SCUBE1: variants seen among roughly 807,000 people sequenced by gnomAD.
The protein encoded by SCUBE1 is signal peptide, CUB and EGF-like domain-containing protein 1.
A neutral mutation model predicts 124.4 loss-of-function variants in SCUBE1; 59 were observed. The observed-to-expected ratio is 0.47, with a 90% CI of 0.38 to 0.59. The LOEUF (loss-of-function observed/expected upper bound fraction) is 0.59, where lower values mean the gene tolerates loss of function less well. Among genes scored for constraint, SCUBE1 ranks in the 20% least tolerant of loss-of-function variants. SCUBE1 has a pLI of 0.00. For missense variants in SCUBE1, 1,150 were observed against 1,371.2 expected (o/e 0.84, Z 2.55); for synonymous variants, 545 against 550.9 (o/e 0.99, Z 0.15).
intron 4 of SCUBE1, among the ~76,000 whole-genome samples, chr22:43,271,667 G>C (rs1384909534): frequency 6.6e-6 from 1 of 152,098 alleles, no homozygotes; most frequent in East Asian, 1.9e-4. Context: ...ATTCTCTGGG[G>C]CAAATCTAGG....
intron 6 of SCUBE1, among the ~76,000 whole-genome samples, chr22:43,242,343 C>T (rs1923038411): frequency 6.6e-6 from 1 of 152,242 alleles, no homozygotes; most frequent in East Asian, 1.9e-4. Flanking sequence ...GGACCAGAGG[C>T]CACCCAGACC....
intron 6 of SCUBE1, among the ~76,000 whole-genome samples, chr22:43,244,327 CTG>C (rs1491494910): frequency 1.3e-5 from 2 of 152,238 alleles, no homozygotes; most frequent in Non-Finnish European, 2.9e-5. Flanking sequence ...GCAGCGCTGT[CTG>C]TGTGTGCAGA....
intron 2 of SCUBE1, among the ~76,000 whole-genome samples, chr22:43,338,114 G>A (rs1407323919): frequency 6.6e-6 from 1 of 152,196 alleles, no homozygotes; most frequent in East Asian, 1.9e-4. Flanking sequence ...CCAGCCCCCA[G>A]ATGCCCAGTC....
chr22:43,298,217 G>A (rs1925636359), intron 3 of SCUBE1, among the ~76,000 whole-genome samples: 1 of 152,244 alleles, frequency 6.6e-6, no homozygotes, highest in African/African-American at 2.4e-5. Context: ...CCTGGGTTCT[G>A]CCAGATCCAG....
At chr22:43,342,617 C>G (rs985732322) in intron 1 of SCUBE1, among the ~76,000 whole-genome samples, 23 of 152,046 alleles carry the variant, frequency 1.5e-4, no homozygotes, top group Admixed American at 1.0e-3. Context: ...CCACCGGCCT[C>G]CTCCTCCTTC....
intron 4 of SCUBE1, among the ~76,000 whole-genome samples, chr22:43,277,523 C>T (rs189826680): frequency 1.6e-4 from 24 of 152,304 alleles, no homozygotes; most frequent in Admixed American, 1.4e-3. Context: ...TGCCCCTGGC[C>T]CCCCATCCAT....
intron 3 of SCUBE1, among the ~76,000 whole-genome samples, chr22:43,293,446 G>C (rs1925445585): frequency 6.6e-6 from 1 of 152,214 alleles, no homozygotes; most frequent in Non-Finnish European, 1.5e-5. Flanking sequence ...CCCAGGCTAA[G>C]CTGGCTGCGT....
At chr22:43,304,522 G>A (rs566629810) in intron 3 of SCUBE1, among the ~76,000 whole-genome samples, 23 of 33,246 alleles carry the variant, frequency 6.9e-4, no homozygotes, top group African/African-American at 1.1e-3. Flanking sequence ...GGCAGAGAGC[G>A]TCTCTCTAAG....
chr22:43,269,837 C>T (rs746625896), intron 4 of SCUBE1, among the ~76,000 whole-genome samples: 9 of 152,092 alleles, frequency 5.9e-5, no homozygotes, highest in Non-Finnish European at 7.3e-5. Context: ...GAAGGAAACC[C>T]GGGGAAGGTG....
intron 16 of SCUBE1, chr22:43,213,674 C>A (rs1921671381): frequency 6.4e-6 from 1 of 155,086 alleles, no homozygotes; most frequent in African/African-American, 2.4e-5. Context: ...AGTTCTTGCT[C>A]AAGTATAAGA....
At chr22:43,219,712 G>T (rs138796382) in intron 14 of SCUBE1, among the ~76,000 whole-genome samples, 2 of 152,120 alleles carry the variant, frequency 1.3e-5, no homozygotes, top group South Asian at 4.1e-4. Context: ...GAACTCAAGT[G>T]ATCCACCCAC....
At chr22:43,206,996 C>T (rs116917780) in intron 21 of SCUBE1, among the ~76,000 whole-genome samples, 7,376 of 152,258 alleles carry the variant, frequency 0.048, 259 homozygotes, top group Non-Finnish European at 0.071. Context: ...CCCTTGTCCT[C>T]CACACCCCGG....
At chr22:43,295,067 GC>G (rs1925505641) in intron 3 of SCUBE1, among the ~76,000 whole-genome samples, 1 of 152,182 alleles carries the variant, frequency 6.6e-6, no homozygotes, top group South Asian at 2.1e-4. Flanking sequence ...AGAACTGGAA[GC>G]CCCATGAATC....
At chr22:43,214,283 G>A (rs373732571) in intron 15 of SCUBE1, 32 bp from the exon 16 acceptor site, 42 of 1,598,484 alleles carry the variant, frequency 2.6e-5, no homozygotes, top group Non-Finnish European at 3.6e-5. Flanking sequence ...GCTGCTGGAG[G>A]CAGAGGTGGG....
At chr22:43,269,619 C>T (rs928848230) in intron 4 of SCUBE1, among the ~76,000 whole-genome samples, 2 of 152,154 alleles carry the variant, frequency 1.3e-5, no homozygotes, top group African/African-American at 4.8e-5. Flanking sequence ...GAACAAACAC[C>T]TTGCTGCGCC....
At chr22:43,281,417 ATCCTCCTGTCACCTCCCTTGGCCAC>A in intron 4 of SCUBE1, among the ~76,000 whole-genome samples, 1 of 60,800 alleles carries the variant, frequency 1.6e-5, no homozygotes, top group Admixed American at 1.6e-4. Context: ...TCCCTCAGCC[ATCCTCCTGTCACCTCCCTTGGCCAC>A]CCTCCTGTCA....
chr22:43,339,509 G>A (rs1209703615), intron 1 of SCUBE1, among the ~76,000 whole-genome samples: 1 of 151,814 alleles, frequency 6.6e-6, no homozygotes, highest in Non-Finnish European at 1.5e-5. Context: ...CTAAAAAGAT[G>A]AGAAAACTGA....
rs189931457 is a variant in SCUBE1, at chr22:43,258,927, C to G, written c.611-592G>C. ...GGGAGCTCGGCAATGTCCGAACAGA[C>G]AGACTCATGCAAGTTAATGTCATCT... On this transcript the variant is annotated intron_variant, in intron 5 of 21. Coordinates refer to ENST00000360835, the MANE Select transcript of SCUBE1 (RefSeq NM_173050.5). This position sits in a 1 kb window ranked among gnomAD's most constrained non-coding sequence, Gnocchi z 5.0. Among the ~76,000 whole-genome samples the G allele has an allele frequency of 4.6e-5, 7 of 152,316 alleles. No homozygotes were observed. In the East Asian group the frequency reaches 1.4e-3, roughly 29 times the overall value.
intron 3 of SCUBE1, among the ~76,000 whole-genome samples, chr22:43,317,491 A>G (rs1926392804): frequency 6.6e-6 from 1 of 152,206 alleles, no homozygotes; most frequent in Non-Finnish European, 1.5e-5. Flanking sequence ...CCCTGTGAGG[A>G]AGCTGCTTCT....
Sources: allele counts gnomAD v4.1 joint callset (sites outside exome capture counted in the v4.1 genomes callset), GRCh38; gene constraint gnomAD v4.1.1; non-coding constraint Gnocchi (gnomAD v3.1); transcripts MANE v1.5; gene names NCBI Gene and HGNC (gene_info 2026-07-23, HGNC 2026-07-21).